The following HTR1F variants were observed in gnomAD, a reference collection of about 807,000 sequenced individuals.
The protein encoded by HTR1F is 5-hydroxytryptamine receptor 1F, also known as 5-hydroxytryptamine (serotonin) receptor 1F, G protein-coupled.
In HTR1F, 17 loss-of-function variants were observed where a neutral mutation model predicts 24.0. The observed-to-expected ratio is 0.71, with a 90% CI of 0.48 to 1.06. The LOEUF (loss-of-function observed/expected upper bound fraction) is 1.06. HTR1F is among the 50% of genes least tolerant of loss of function. HTR1F has a pLI of 0.00. For missense variants in HTR1F, 391 were observed against 427.8 expected, an observed-to-expected ratio of 0.91 and a Z score of 0.76; for synonymous variants, 186 against 156.8, an observed-to-expected ratio of 1.19 and a Z score of -1.39.
intron 2 of HTR1F, among the ~76,000 whole-genome samples, chr3:87,975,215 A>G (rs1217123525): frequency 1.3e-5 from 2 of 152,128 alleles, no homozygotes; most frequent in Non-Finnish European, 2.9e-5. Context: ...TTATGTTTAA[A>G]ATGTTAGTCC....
intron 2 of HTR1F, among the ~76,000 whole-genome samples, chr3:87,989,129 T>C (rs919519897): frequency 6.6e-6 from 1 of 152,192 alleles, no homozygotes; most frequent in African/African-American, 2.4e-5. Context: ...GAGAAGAGGA[T>C]TGATTTAAAA....
chr3:87,829,172 T>C (rs1704523518), intron 2 of HTR1F, among the ~76,000 whole-genome samples: 1 of 152,166 alleles, frequency 6.6e-6, no homozygotes, highest in South Asian at 2.1e-4. Context: ...TGATGAGCCT[T>C]TTCAAAGAGA....
At chr3:87,886,459 C>A (rs1705945986) in intron 2 of HTR1F, among the ~76,000 whole-genome samples, 1 of 152,198 alleles carries the variant, frequency 6.6e-6, no homozygotes, top group African/African-American at 2.4e-5. Context: ...CTCACCACTC[C>A]TATGCAACAT....
intron 2 of HTR1F, among the ~76,000 whole-genome samples, chr3:87,987,005 C>G (rs1705676263): frequency 6.6e-6 from 1 of 151,922 alleles, no homozygotes; most frequent in African/African-American, 2.4e-5. Context: ...ACTTGGGAGG[C>G]TGAGGCACAA....
chr3:87,803,534 G>A (rs72911631), intron 1 of HTR1F, among the ~76,000 whole-genome samples: 19,184 of 152,096 alleles, frequency 0.13, 3,771 homozygotes, highest in African/African-American at 0.42. Flanking sequence ...CACTTCTGCA[G>A]TGATATTCAG....
At chr3:87,869,587 T>G (rs1705511728) in intron 2 of HTR1F, among the ~76,000 whole-genome samples, 1 of 152,144 alleles carries the variant, frequency 6.6e-6, no homozygotes, top group Non-Finnish European at 1.5e-5. Flanking sequence ...GAGCTGATGA[T>G]GTACTTCCAG....
chr3:87,882,684 A>G (rs545862804), intron 2 of HTR1F, among the ~76,000 whole-genome samples: 11 of 131,070 alleles, frequency 8.4e-5, no homozygotes, highest in African/African-American at 2.9e-4. Flanking sequence ...GAAGGGGAAC[A>G]TCACACTCTG....
Position 87,991,482 on chromosome 3 carries a change from T to C in HTR1F, c.733T>C (p.Tyr245His), listed in dbSNP as rs1166210053. ...AAGCACTAAATCAGTTTCCACATCCTATGTACTAGAAAAGTCTTTATCTGA... is the reference window on the plus strand; with the variant it reads ...AAGCACTAAATCAGTTTCCACATCCCATGTACTAGAAAAGTCTTTATCTGA... ...EKSTKSVSTS[Y>H]VLEKSLSDPS... The change falls in exon 3 of 3, where the codon TAT becomes CAT. Residue 245 changes from tyrosine (Y) to histidine (H), a missense_variant. Tyr to His is a moderately conservative substitution (Grantham distance 83, BLOSUM62 2). Coordinates refer to ENST00000319595, the MANE Select transcript of HTR1F (RefSeq NM_001322209.2). 1.2e-6 allele frequency: 2 copies of C among 1,614,000 alleles called. No homozygotes were observed. Among genetic ancestry groups the C allele is most frequent in the South Asian group, 1.1e-5 (1 of 91,080 alleles).
chr3:87,896,656 T>G, intron 2 of HTR1F, among the ~76,000 whole-genome samples: 1 of 152,140 alleles, frequency 6.6e-6, no homozygotes, highest in Non-Finnish European at 1.5e-5. Flanking sequence ...GAAAAAGTGT[T>G]TGCAAATCAT....
chr3:87,806,558 C>T (rs1033595489), intron 1 of HTR1F, among the ~76,000 whole-genome samples: 1 of 151,664 alleles, frequency 6.6e-6, no homozygotes, highest in Non-Finnish European at 1.5e-5. Context: ...GATATTAGTC[C>T]CTTGTCAGAT....
chr3:87,959,591 G>C (rs1017361220), intron 2 of HTR1F, among the ~76,000 whole-genome samples: 2 of 151,776 alleles, frequency 1.3e-5, no homozygotes, highest in African/African-American at 4.8e-5. Flanking sequence ...ACTTAAATTC[G>C]CTTTGTTAAA....
At chr3:87,841,917 G>GA (rs1704815602) in intron 2 of HTR1F, among the ~76,000 whole-genome samples, 3 of 70,820 alleles carry the variant, frequency 4.2e-5, no homozygotes, top group East Asian at 4.9e-4. Context: ...AAAAAAAAAA[G>GA]AAAAAGAAAA....
intron 2 of HTR1F, among the ~76,000 whole-genome samples, chr3:87,900,609 T>C (rs1036144145): frequency 1.3e-5 from 2 of 151,954 alleles, no homozygotes; most frequent in Non-Finnish European, 1.5e-5. Flanking sequence ...GTGCAAGAGA[T>C]TAATGGGGAG....
rs542447563 is a variant in HTR1F at position 87,919,956 on chromosome 3, G to A, written c.-42-70752G>A. On this transcript the variant is annotated intron_variant, in intron 2 of 2. Transcript: ENST00000319595. The stretch of plus-strand genomic sequence containing the variant: ...CAGCACAATTTGCAATTGCAATAAT[G>A]TGGAGCCAACCCAAATGCCCATCAA... 5.3e-5 allele frequency among the ~76,000 whole-genome samples: 8 copies of A among 151,620 alleles called. 1 individual carries two copies. The highest frequency in any genetic ancestry group is 1.7e-4 in the African/African-American group (7 of 41,370).
rs191253465 is a variant in HTR1F at position 87,969,009 on chromosome 3, T to G, written c.-42-21699T>G. Among the ~76,000 whole-genome samples the G allele has an allele frequency of 4.2e-3, 644 of 152,298 alleles. 2 individuals are homozygous for G. The highest frequency in any genetic ancestry group is 6.6e-3 in the Non-Finnish European group (446 of 68,030). ...GCACCAAGCCTTGGCAGCTCCCACG[T>G]GGTATTGAGTCTGCAAGTGCACAGC... On this transcript the variant is annotated intron_variant, in intron 2 of 2. Transcript: ENST00000319595.
Position 87,969,627 on chromosome 3 carries a change from A to G in HTR1F, c.-42-21081A>G, listed in dbSNP as rs367870054. On this transcript the variant is annotated intron_variant, in intron 2 of 2. Transcript: ENST00000319595. Reference sequence around the variant, plus strand: ...TTTATTTTATGGGCTCACAGGCGGAAGGGACTTGCCTTGTCTCAGATGAGA... The same window carrying G: ...TTTATTTTATGGGCTCACAGGCGGAGGGGACTTGCCTTGTCTCAGATGAGA... 3.9e-5 allele frequency among the ~76,000 whole-genome samples: 6 copies of G among 152,312 alleles called. No homozygotes were observed. In the East Asian group the frequency reaches 7.7e-4, roughly 20 times the overall value.
chr3:87,972,496 A>G (rs763599662), intron 2 of HTR1F, among the ~76,000 whole-genome samples: 1 of 152,174 alleles, frequency 6.6e-6, no homozygotes, highest in African/African-American at 2.4e-5. Flanking sequence ...TTAATCATCT[A>G]TGTATTTTAA....
chr3:87,977,492 G>C (rs1354920888), intron 2 of HTR1F, among the ~76,000 whole-genome samples: 1 of 148,982 alleles, frequency 6.7e-6, no homozygotes, highest in Non-Finnish European at 1.5e-5. Flanking sequence ...TCCACCTCCC[G>C]GGTCCACGCC....
chr3:87,833,854 A>G (rs1044415301), intron 2 of HTR1F, among the ~76,000 whole-genome samples: 13 of 151,942 alleles, frequency 8.6e-5, no homozygotes, highest in African/African-American at 3.1e-4. Context: ...TACGTAATTG[A>G]GACTTGCACG....
Sources: gnomAD v4.1 joint callset for allele counts (sites outside exome capture counted in the v4.1 genomes callset) on GRCh38, gnomAD v4.1.1 for gene constraint, MANE v1.5 for transcripts, NCBI Gene and HGNC (gene_info 2026-07-23, HGNC 2026-07-21) for gene names.